The following PLSCR1 variants were observed in gnomAD, a reference collection of about 807,000 sequenced individuals.
PLSCR1 encodes the protein phospholipid scramblase 1.
PLSCR1 carries 17 observed loss-of-function variants against 37.8 expected under a neutral mutation model. The ratio of observed to expected loss-of-function variants is 0.45; its 90% CI spans 0.31 to 0.68. PLSCR1 has a LOEUF of 0.68. Ranked by LOEUF, PLSCR1 falls within the 30% of genes least tolerant of loss-of-function variation. The pLI is 0.06. For missense variants in PLSCR1, 347 were observed against 380.9 expected, an observed-to-expected ratio of 0.91 and a Z score of 0.74; for synonymous variants, 116 against 125.9, an observed-to-expected ratio of 0.92 and a Z score of 0.53.
At chr3:146,531,384 AG>A (rs1255125538) in intron 3 of PLSCR1, among the ~76,000 whole-genome samples, 1 of 152,150 alleles carries the variant, frequency 6.6e-6, no homozygotes, top group African/African-American at 2.4e-5. Flanking sequence ...CTAATAAAAT[AG>A]GGGCTCTACA....
chr3:146,534,255 A>G (rs2044236802), intron 2 of PLSCR1, among the ~76,000 whole-genome samples: 1 of 152,136 alleles, frequency 6.6e-6, no homozygotes, highest in South Asian at 2.1e-4. Context: ...GTCTCTAAAT[A>G]TTTACTGAGC....
In PLSCR1 at chr3:146,521,587, C is replaced by G; in HGVS notation, c.695G>C (p.Gly232Ala). 6.2e-7 allele frequency: 1 copy of G among 1,613,970 alleles called. No homozygotes were observed. Among genetic ancestry groups the G allele is most frequent in the East Asian group, 2.2e-5 (1 of 44,876 alleles). Residue 232 changes from glycine to alanine, a missense_variant, in exon 7 of 9, where the codon GGT becomes GCT. Coordinates refer to ENST00000342435, the MANE Select transcript of PLSCR1 (RefSeq NM_021105.3). The part of the protein sequence containing the change: ...EKREDVLKIS[G>A]PCVVCSCCGD... ...ACAACAGCTGCACACAACACATGGA[C>G]CACTTATTTTTAGTACATCCTCTCT...
intron 4 of PLSCR1, among the ~76,000 whole-genome samples, chr3:146,526,515 T>C (rs2044118839): frequency 6.6e-6 from 1 of 152,210 alleles, no homozygotes; most frequent in South Asian, 2.1e-4. Flanking sequence ...TTTGAAACAG[T>C]ATTTTTTCAA....
intron 1 of PLSCR1, among the ~76,000 whole-genome samples, chr3:146,543,847 C>T (rs1249269552): frequency 6.6e-6 from 1 of 152,128 alleles, no homozygotes; most frequent in South Asian, 2.1e-4. Context: ...AGTCCACAGA[C>T]GTGAAGCAGT....
chr3:146,540,740 C>T (rs2044327662), intron 1 of PLSCR1: 1 of 152,106 alleles, frequency 6.6e-6, no homozygotes. Flanking sequence ...ATTATGTTAG[C>T]AAAATTCTAC....
chr3:146,536,564 T>C lies in PLSCR1; in HGVS notation c.-12A>G. 2.0e-6 allele frequency: 3 copies of C among 1,468,056 alleles called. No homozygotes were observed. Among genetic ancestry groups the C allele is most frequent in the Non-Finnish European group, 1.9e-6 (2 of 1,047,746 alleles). The allele number at this position is 1,468,056 out of a possible 1,614,324, so 90.9% of individuals were successfully genotyped here. On this transcript the variant is annotated splice_region_variant and 5_prime_UTR_variant, in exon 2 of 9. Coordinates refer to ENST00000342435, the MANE Select transcript of PLSCR1 (RefSeq NM_021105.3). ...CTTTGTTTGTCCATGATTAAAACAG[T>C]TCTGAAAAAGAAGATCTGACATTAA...
At chr3:146,530,515 G>A (rs1394371880) in intron 3 of PLSCR1, among the ~76,000 whole-genome samples, 1 of 152,156 alleles carries the variant, frequency 6.6e-6, no homozygotes, top group African/African-American at 2.4e-5. Context: ...GGATGTGATG[G>A]AGAGAATGTA....
intron 4 of PLSCR1, among the ~76,000 whole-genome samples, chr3:146,526,512 CAG>C (rs1188586263): frequency 6.6e-6 from 1 of 151,688 alleles, no homozygotes; most frequent in Non-Finnish European, 1.5e-5. Flanking sequence ...TTTTTTGAAA[CAG>C]TATTTTTTCA....
intron 1 of PLSCR1, among the ~76,000 whole-genome samples, chr3:146,544,143 G>C (rs2044373831): frequency 1.3e-5 from 2 of 152,188 alleles, no homozygotes. Flanking sequence ...GGGAAGCTGA[G>C]CCCCGCAAGG....
At chr3:146,540,622 T>C (rs1408138883) in intron 1 of PLSCR1, among the ~76,000 whole-genome samples, 2 of 152,210 alleles carry the variant, frequency 1.3e-5, no homozygotes, top group Non-Finnish European at 2.9e-5. Flanking sequence ...TTTATTTAAA[T>C]TTACTTGTTA....
chr3:146,520,453 C>A (rs184618678), intron 7 of PLSCR1, among the ~76,000 whole-genome samples: 8 of 152,188 alleles, frequency 5.3e-5, no homozygotes, highest in Admixed American at 2.0e-4. Context: ...ATTATGCATA[C>A]CCTTACATAA....
intron 3 of PLSCR1, among the ~76,000 whole-genome samples, chr3:146,529,280 G>A (rs1475792645): frequency 1.3e-5 from 2 of 152,110 alleles, no homozygotes; most frequent in Non-Finnish European, 2.9e-5. Context: ...TATAATATAT[G>A]TATAGAACTG....
rs1029704100 is a variant in PLSCR1 at position 146,527,825 on chromosome 3, G to A, written c.312+789C>T. On this transcript the variant is annotated intron_variant, in intron 4 of 8. Transcript: ENST00000342435. ...GAATATCACAAGAATATTTGTATGT[G>A]TATAGACTGGACACACAGAGTTTCT... The A allele has an allele frequency of 3.3e-5, 5 of 152,314 alleles. No homozygotes were observed. The South Asian group carries it at 8.3e-4, about 25-fold the overall frequency. The allele number at this position is 152,314 out of a possible 1,614,324, so 9.4% of individuals were successfully genotyped here.
intron 1 of PLSCR1, among the ~76,000 whole-genome samples, chr3:146,539,228 C>T (rs1337228071): frequency 3.3e-5 from 5 of 152,188 alleles, no homozygotes; most frequent in South Asian, 2.1e-4. Context: ...AGTGCGCAAC[C>T]TAGATCCCTC....
chr3:146,523,568 A>C (rs2044063390), intron 5 of PLSCR1, among the ~76,000 whole-genome samples: 1 of 152,248 alleles, frequency 6.6e-6, no homozygotes, highest in Non-Finnish European at 1.5e-5. Flanking sequence ...ATGAATTAGA[A>C]TGTCACATTG....
intron 1 of PLSCR1, among the ~76,000 whole-genome samples, chr3:146,538,493 A>G (rs2044295128): frequency 6.6e-6 from 1 of 152,168 alleles, no homozygotes; most frequent in Non-Finnish European, 1.5e-5. Flanking sequence ...ACATCTCTAA[A>G]GTCTTTACCT....
Position 146,521,598 on chromosome 3 carries a change from T to C in PLSCR1, c.684A>G (p.Leu228=). 1 of 1,614,050 alleles carries C rather than the reference T, an allele frequency of 6.2e-7. No individual in the cohort carries two copies. Among genetic ancestry groups the C allele is most frequent in the East Asian group, 2.2e-5 (1 of 44,878 alleles). ...TIQNEKREDV[L]KISGPCVVCS... is the part of the protein sequence containing the mutation. ...ACACAACACATGGACCACTTATTTT[T>C]AGTACATCCTCTCTTTTCTCATTTT... Residue 228 remains leucine, a synonymous_variant, in exon 7 of 9, where the codon CTA becomes CTG. Coordinates refer to ENST00000342435, the MANE Select transcript of PLSCR1 (RefSeq NM_021105.3).
chr3:146,526,971 C>G (rs552544527), intron 4 of PLSCR1, among the ~76,000 whole-genome samples: 3 of 152,178 alleles, frequency 2.0e-5, no homozygotes, highest in Non-Finnish European at 4.4e-5. Context: ...GAAACCGTCT[C>G]TACTAAAAAT....
At chr3:146,531,671 T>C (rs1656996352) in intron 3 of PLSCR1, among the ~76,000 whole-genome samples, 1 of 152,200 alleles carries the variant, frequency 6.6e-6, no homozygotes, top group South Asian at 2.1e-4. Flanking sequence ...ATACTTGTCA[T>C]TTATAATTTG....
Sources: allele counts gnomAD v4.1 joint callset (sites outside exome capture counted in the v4.1 genomes callset), GRCh38; gene constraint gnomAD v4.1.1; transcripts MANE v1.5; gene names NCBI Gene and HGNC (gene_info 2026-07-23, HGNC 2026-07-21).